The following KDM4C variants were observed in gnomAD, a reference collection of about 807,000 sequenced individuals.
The protein encoded by KDM4C is lysine-specific demethylase 4C.
Under a neutral mutation model 129.3 loss-of-function variants are expected in KDM4C, and 81 were observed. That is an observed-to-expected ratio of 0.63 (90% CI 0.52 to 0.75). KDM4C has a LOEUF of 0.75. KDM4C is among the 30% of genes least tolerant of loss of function. The pLI, the probability that KDM4C is intolerant of heterozygous loss-of-function variation, is 0.00. For missense variants in KDM4C, 1,457 were observed against 1,304.0 expected, an observed-to-expected ratio of 1.12 and a Z score of -1.81; for synonymous variants, 573 against 456.1, an observed-to-expected ratio of 1.26 and a Z score of -3.26.
chr9:6,795,786 C>G (rs1827626332), intron 2 of KDM4C, among the ~76,000 whole-genome samples: 1 of 151,974 alleles, frequency 6.6e-6, no homozygotes, highest in Non-Finnish European at 1.5e-5. Flanking sequence ...ATCCCCCTCC[C>G]TCAGCCCCGC....
At chr9:7,069,300 T>C (rs567410220) in intron 17 of KDM4C, among the ~76,000 whole-genome samples, 2 of 152,232 alleles carry the variant, frequency 1.3e-5, no homozygotes, top group Non-Finnish European at 2.9e-5. Flanking sequence ...AAGTTAACTT[T>C]TATCACGTGG....
intron 15 of KDM4C, among the ~76,000 whole-genome samples, chr9:7,022,451 A>G (rs963000679): frequency 6.6e-6 from 1 of 151,634 alleles, no homozygotes; most frequent in African/African-American, 2.4e-5. Flanking sequence ...TCTTTTTTAG[A>G]TTGTTCACTG....
intron 1 of KDM4C, among the ~76,000 whole-genome samples, chr9:6,737,093 A>G (rs916968020): frequency 2.0e-5 from 3 of 151,188 alleles, no homozygotes; most frequent in Non-Finnish European, 4.4e-5. Context: ...GTCCCACTGG[A>G]CTAGCCTGGG....
intron 17 of KDM4C, among the ~76,000 whole-genome samples, chr9:7,054,222 G>A (rs1206815460): frequency 6.6e-6 from 1 of 152,198 alleles, no homozygotes; most frequent in Admixed American, 6.5e-5. Context: ...AGGGGGTTGT[G>A]TGAAGTCACA....
chr9:6,754,722 A>C (rs193269979), upstream of KDM4C, among the ~76,000 whole-genome samples: 114 of 151,846 alleles, frequency 7.5e-4, no homozygotes, highest in Non-Finnish European at 1.4e-3. Flanking sequence ...AAAGAAATAA[A>C]CAAATTAGCC....
intron 5 of KDM4C, among the ~76,000 whole-genome samples, chr9:6,867,259 C>A (rs1032826423): frequency 3.3e-5 from 5 of 152,074 alleles, no homozygotes; most frequent in African/African-American, 1.2e-4. Flanking sequence ...CGTGATCCGC[C>A]CACCTCGGCC....
At chr9:6,741,415 A>G (rs1438873182) in intron 1 of KDM4C, among the ~76,000 whole-genome samples, 2 of 151,922 alleles carry the variant, frequency 1.3e-5, no homozygotes, top group African/African-American at 4.8e-5. Context: ...AAACAAAAAC[A>G]AAAACTCAAG....
At chr9:6,948,683 ACTCTTAACGAGCATG>A (rs1827449109) in intron 8 of KDM4C, among the ~76,000 whole-genome samples, 1 of 151,194 alleles carries the variant, frequency 6.6e-6, no homozygotes, top group African/African-American at 2.4e-5. Flanking sequence ...AGTGGTGATG[ACTCTTAACGAGCATG>A]CTGCCTTCAA....
At chr9:6,960,340 C>CAT (rs1384289092) in intron 8 of KDM4C, among the ~76,000 whole-genome samples, 3 of 147,964 alleles carry the variant, frequency 2.0e-5, no homozygotes, top group Non-Finnish European at 4.4e-5. Context: ...AGTACAGTGG[C>CAT]ATAATCATAG....
intron 5 of KDM4C, among the ~76,000 whole-genome samples, chr9:6,869,266 C>T (rs759846815): frequency 6.6e-6 from 1 of 152,146 alleles, no homozygotes. Flanking sequence ...CCATGAATGG[C>T]ATTAAGGGTG....
chr9:6,743,625 A>G (rs1817777061), intron 1 of KDM4C, among the ~76,000 whole-genome samples: 1 of 151,652 alleles, frequency 6.6e-6, no homozygotes, highest in Admixed American at 6.6e-5. Flanking sequence ...CTTCTGCCTC[A>G]GCCTCCCTAG....
At chr9:6,875,390 C>A (rs1388884880) in intron 5 of KDM4C, among the ~76,000 whole-genome samples, 2 of 152,096 alleles carry the variant, frequency 1.3e-5, no homozygotes, top group Non-Finnish European at 2.9e-5. Context: ...GGGAGTTCTC[C>A]TGGGCGGGTC....
intron 18 of KDM4C, among the ~76,000 whole-genome samples, chr9:7,112,449 A>T (rs1400277525): frequency 1.3e-5 from 2 of 152,166 alleles, no homozygotes; most frequent in African/African-American, 2.4e-5. Flanking sequence ...ATGTCCCAGG[A>T]TGAGGAGAAG....
chr9:6,850,165 T>G (rs1251172471), intron 5 of KDM4C, among the ~76,000 whole-genome samples: 3 of 152,230 alleles, frequency 2.0e-5, no homozygotes, highest in Non-Finnish European at 2.9e-5. Context: ...GTCCACTCCA[T>G]GATGTTCACA....
At chr9:7,000,737 G>A (rs115208493) in intron 12 of KDM4C, among the ~76,000 whole-genome samples, 1,541 of 151,936 alleles carry the variant, frequency 0.01, 29 homozygotes, top group African/African-American at 0.036. Context: ...CAACCTGAAC[G>A]CCAGTTTCTT....
chr9:7,081,209 C>A (rs952782938), intron 17 of KDM4C, among the ~76,000 whole-genome samples: 3 of 152,164 alleles, frequency 2.0e-5, no homozygotes, highest in Non-Finnish European at 4.4e-5. Flanking sequence ...GTTCCATCTT[C>A]TTCCCTGAAT....
intron 8 of KDM4C, among the ~76,000 whole-genome samples, chr9:6,898,280 A>C (rs534943926): frequency 3.9e-5 from 6 of 152,140 alleles, no homozygotes; most frequent in African/African-American, 1.4e-4. Flanking sequence ...AGGGAAGAAA[A>C]GTTATTTACT....
intron 18 of KDM4C, among the ~76,000 whole-genome samples, chr9:7,123,736 T>C (rs571905211): frequency 2.6e-5 from 4 of 152,164 alleles, no homozygotes; most frequent in Non-Finnish European, 5.9e-5. Context: ...GCCCTGGGGA[T>C]GGAGAGGAGA....
intron 19 of KDM4C, among the ~76,000 whole-genome samples, chr9:7,138,849 G>A (rs913122652): frequency 2.0e-5 from 3 of 152,102 alleles, no homozygotes; most frequent in African/African-American, 4.8e-5. Flanking sequence ...GATGCCTTTT[G>A]TAGATTTATG....
Sources: gnomAD v4.1 joint callset for allele counts (sites outside exome capture counted in the v4.1 genomes callset) on GRCh38, gnomAD v4.1.1 for gene constraint, MANE v1.5 for transcripts, NCBI Gene and HGNC (gene_info 2026-07-23, HGNC 2026-07-21) for gene names.